Variants in FARP2 observed in about 807,000 individuals in gnomAD.
The protein encoded by FARP2 is FERM, ARHGEF and pleckstrin domain-containing protein 2.
A neutral mutation model predicts 130.5 loss-of-function variants in FARP2; 111 were observed. The observed-to-expected ratio is 0.85, with a 90% confidence interval of 0.73 to 1.00. The LOEUF (loss-of-function observed/expected upper bound fraction) is 1.00, where lower values mean the gene tolerates loss of function less well. Ranked by LOEUF, FARP2 falls within the 50% of genes least tolerant of loss-of-function variation. The pLI is 0.00. For synonymous variants in FARP2, 504 were observed against 516.9 expected (o/e 0.98, Z 0.34); for missense variants, 1,385 against 1,346.3 (o/e 1.03, Z -0.45).
At chr2:241,427,216 C>T (rs1459815492) in intron 8 of FARP2, among the ~76,000 whole-genome samples, 3 of 152,020 alleles carry the variant, frequency 2.0e-5, no homozygotes, top group Admixed American at 1.3e-4. Flanking sequence ...GCCTGGGCAA[C>T]AAGAGCGAAA....
chr2:241,464,903 T>A (rs13402609), intron 17 of FARP2, among the ~76,000 whole-genome samples: 4,582 of 151,914 alleles, frequency 0.03, 230 homozygotes, highest in African/African-American at 0.1. Context: ...GGACACTGTT[T>A]CCCTCAGAAC....
chr2:241,412,527 G>T (rs1463135486), intron 6 of FARP2, among the ~76,000 whole-genome samples: 1 of 152,040 alleles, frequency 6.6e-6, no homozygotes, highest in Non-Finnish European at 1.5e-5. Context: ...AAAAATAAAA[G>T]CATATTGCTT....
chr2:241,462,723 T>A, intron 15 of FARP2, 111 bp downstream of exon 15: 1 of 720,574 alleles, frequency 1.4e-6, no homozygotes, highest in Non-Finnish European at 2.3e-6. Flanking sequence ...GGAGCCTCAC[T>A]CTGTCACCCA....
At chr2:241,471,180 G>A (rs1286292475) in intron 18 of FARP2, 1 of 150,572 alleles carries the variant, frequency 6.6e-6, no homozygotes, top group Non-Finnish European at 1.5e-5. Context: ...TGAGGGGGAT[G>A]TTCTTCTGAG....
chr2:241,467,315 C>T (rs1289147359), intron 17 of FARP2, among the ~76,000 whole-genome samples: 2 of 151,988 alleles, frequency 1.3e-5, no homozygotes, highest in Non-Finnish European at 2.9e-5. Context: ...CTGTGTAATA[C>T]TCAGAATCCA....
chr2:241,371,713 G>A (rs751816496), intron 1 of FARP2, among the ~76,000 whole-genome samples: 70 of 152,244 alleles, frequency 4.6e-4, no homozygotes, highest in African/African-American at 1.6e-3. Flanking sequence ...ATTAAACACC[G>A]AGCATTTGTA....
At chr2:241,359,646 C>T (rs1291795748) in intron 1 of FARP2, among the ~76,000 whole-genome samples, 1 of 152,212 alleles carries the variant, frequency 6.6e-6, no homozygotes, top group Non-Finnish European at 1.5e-5. Flanking sequence ...GCGGTGCTGC[C>T]TCTTTCTTTC....
intron 2 of FARP2, among the ~76,000 whole-genome samples, chr2:241,402,858 A>ATC (rs1559734912): frequency 1.3e-4 from 1 of 7,922 alleles, no homozygotes; most frequent in East Asian, 2.7e-3. Context: ...ATATATATAT[A>ATC]TATATATATA....
intron 8 of FARP2, 62 bp downstream of exon 8, chr2:241,418,171 G>T (rs964740645): frequency 4.4e-6 from 7 of 1,579,310 alleles, no homozygotes; most frequent in Non-Finnish European, 5.2e-6. Flanking sequence ...CAACCTGGTG[G>T]GGTTTGTTCT....
intron 18 of FARP2, among the ~76,000 whole-genome samples, chr2:241,470,181 TGGACAAAAG>T (rs977022338): frequency 2.6e-5 from 4 of 152,228 alleles, no homozygotes; most frequent in Non-Finnish European, 5.9e-5. Context: ...AGAATTCTCT[TGGACAAAAG>T]GGAGTACATT....
At chr2:241,437,670 A>ATTTTTTTTTTTTTTTT (rs763025047) in intron 12 of FARP2, among the ~76,000 whole-genome samples, 7 of 133,110 alleles carry the variant, frequency 5.3e-5, no homozygotes, top group Non-Finnish European at 9.5e-5. Flanking sequence ...TTATTTATTT[A>ATTTTTTTTTTTTTTTT]TTTTTTTTTT....
chr2:241,417,949 T>A lies in FARP2; in HGVS notation c.624-13T>A, dbSNP rs374970747. On this transcript the variant is annotated splice_polypyrimidine_tract_variant and intron_variant, in intron 7 of 26. Transcript: ENST00000264042. Reference sequence around the variant, plus strand: ...GTGTTTGTAGTGTATGATTCTACCATTTTTTATTACAGGGGCCAGACACCT... The same window carrying A: ...GTGTTTGTAGTGTATGATTCTACCAATTTTTATTACAGGGGCCAGACACCT... The A allele has an allele frequency of 5.0e-6, 8 of 1,613,800 alleles. No homozygotes were observed. The African/African-American group carries it at 1.1e-4, about 22-fold the overall frequency.
chr2:241,407,409 A>G lies in FARP2; in HGVS notation c.332-128A>G, dbSNP rs2062389304. ...ACCTGGGCAGAAATTTCTTAATATC[A>G]TATTATTTGAAAAGATTTGCTGTAA... On this transcript the variant is annotated intron_variant, in intron 4 of 26. Coordinates refer to ENST00000264042, the MANE Select transcript of FARP2 (RefSeq NM_014808.4). 8.5e-6 allele frequency: 6 copies of G among 705,636 alleles called. No homozygotes were observed. In the South Asian group the frequency reaches 8.8e-5, roughly 10 times the overall value. The allele number at this position is 705,636 out of a possible 1,614,324, so 43.7% of individuals were successfully genotyped here. A position where few individuals can be genotyped will look rare whatever the true frequency, so the allele number is the denominator to read the frequency against.
At chr2:241,463,701 A>G (rs1309415467) in intron 16 of FARP2, 198 bp from the exon 17 acceptor site, 2 of 678,588 alleles carry the variant, frequency 2.9e-6, no homozygotes, top group Non-Finnish European at 4.9e-6. Flanking sequence ...TTGCCTGGTT[A>G]CTATCTGTTT....
chr2:241,371,183 A>C (rs1346377742), intron 1 of FARP2, among the ~76,000 whole-genome samples: 1 of 152,192 alleles, frequency 6.6e-6, no homozygotes, highest in Admixed American at 6.5e-5. Flanking sequence ...ATTTGAAATT[A>C]AGAGATTAAA....
intron 2 of FARP2, among the ~76,000 whole-genome samples, chr2:241,398,662 C>T (rs1268721035): frequency 6.6e-6 from 1 of 151,816 alleles, no homozygotes; most frequent in Non-Finnish European, 1.5e-5. Flanking sequence ...CTCTGCCTCC[C>T]AGGTTCAGGC....
intron 13 of FARP2, among the ~76,000 whole-genome samples, chr2:241,453,049 G>A (rs1003745141): frequency 6.6e-6 from 1 of 151,420 alleles, no homozygotes; most frequent in African/African-American, 2.4e-5. Context: ...TTTATAATAG[G>A]GCCGGAGCGG....
At chr2:241,485,025 A>T (rs1007788455) in intron 21 of FARP2, among the ~76,000 whole-genome samples, 2 of 152,102 alleles carry the variant, frequency 1.3e-5, no homozygotes, top group Admixed American at 1.3e-4. Flanking sequence ...CAGGGGCTCT[A>T]ATCCCCAGCT....
intron 4 of FARP2, among the ~76,000 whole-genome samples, chr2:241,405,753 G>T (rs1436852330): frequency 1.3e-5 from 2 of 152,140 alleles, no homozygotes; most frequent in African/African-American, 4.8e-5. Context: ...CGCCAACATG[G>T]TGAAACCCTG....
Sources: gnomAD v4.1 joint callset for allele counts (sites outside exome capture counted in the v4.1 genomes callset) on GRCh38, gnomAD v4.1.1 for gene constraint, MANE v1.5 for transcripts, NCBI Gene and HGNC (gene_info 2026-07-23, HGNC 2026-07-21) for gene names.